Variants in OAS1 observed in about 807,000 individuals in gnomAD.
OAS1 encodes the protein 2'-5'-oligoadenylate synthase 1.
A neutral mutation model predicts 38.5 loss-of-function variants in OAS1; 24 were observed. The observed-to-expected ratio is 0.62, with a 90% CI of 0.45 to 0.88. The LOEUF is 0.88. Ranked by LOEUF, OAS1 falls within the 40% of genes least tolerant of loss-of-function variation. OAS1 has a pLI of 0.00. For synonymous variants in OAS1, 169 were observed against 193.9 expected, an observed-to-expected ratio of 0.87 and a Z score of 1.07; for missense variants, 482 against 493.9, an observed-to-expected ratio of 0.98 and a Z score of 0.23.
Position 112,908,647 on chromosome 12 carries a change from T to G in OAS1, c.292T>G (p.Phe98Val). The G allele has an allele frequency of 6.2e-7, 1 of 1,613,844 alleles. No homozygotes were observed. Among genetic ancestry groups the G allele is most frequent in the Non-Finnish European group, 8.5e-7 (1 of 1,179,952 alleles). Residue 98 changes from phenylalanine (F) to valine (V), a missense_variant, in exon 2 of 6, where the codon TTC (phenylalanine) becomes GTC (valine). Phe to Val is a conservative substitution (Grantham distance 50). Transcript: ENST00000202917. ...FQDQLNRRGEFIQEIRRQLEA... is the reference protein window; with the variant it reads ...FQDQLNRRGEVIQEIRRQLEA... ...GGATCAGTTAAATCGCCGGGGAGAG[T>G]TCATCCAGGAAATTAGGAGACAGCT...
intron 6 of OAS1, among the ~76,000 whole-genome samples, chr12:112,927,509 G>A (rs1280259006): frequency 6.6e-6 from 1 of 152,192 alleles, no homozygotes; most frequent in Non-Finnish European, 1.5e-5. Flanking sequence ...GGCCATAGGA[G>A]ACTTCTATTC....
downstream of OAS1, among the ~76,000 whole-genome samples, chr12:112,922,969 A>G (rs1274126419): frequency 6.6e-6 from 1 of 152,158 alleles, no homozygotes; most frequent in Non-Finnish European, 1.5e-5. Flanking sequence ...GCCTCAAACA[A>G]TCTTTCCTCC....
Position 112,919,862 on chromosome 12 carries a change from T to C in OAS1, c.*309T>C. 2.4e-6 allele frequency: 2 copies of C among 830,916 alleles called. No homozygotes were observed. The highest frequency in any genetic ancestry group is 3.6e-6 in the Non-Finnish European group (2 of 552,400). The allele number at this position is 830,916 out of a possible 1,614,324, so 51.5% of individuals were successfully genotyped here. On this transcript the variant is annotated 3_prime_UTR_variant, in exon 6 of 6. Coordinates refer to ENST00000202917, the MANE Select transcript of OAS1 (RefSeq NM_016816.4). ...CTGTGCACCTGATGGGAGGGTAATGTCTAATGTATTATCAATAACAATAAA... is the reference window on the plus strand; with the variant it reads ...CTGTGCACCTGATGGGAGGGTAATGCCTAATGTATTATCAATAACAATAAA...
At chr12:112,920,743 G>A (rs1235477795), downstream of OAS1, among the ~76,000 whole-genome samples, 1 of 152,180 alleles carries the variant, frequency 6.6e-6, no homozygotes, top group Non-Finnish European at 1.5e-5. Context: ...CTGATCACCT[G>A]AGTTGCTGGT....
rs978471259 is a variant in OAS1 at position 112,916,554 on chromosome 12, C to G, written c.700C>G (p.Leu234Val). 1.9e-6 allele frequency: 3 copies of G among 1,614,004 alleles called. No individual in the cohort carries two copies. The African/African-American group carries it at 4.0e-5, about 22-fold the overall frequency. The change falls in exon 4 of 6, where the codon CTC becomes GTC. Residue 234 changes from leucine to valine, a missense_variant. Transcript: ENST00000202917. ...GKLPPQYALE[L>V]LTVYAWERGS... is the part of the protein sequence containing the mutation. Reference sequence around the variant, plus strand: ...GCTGCCACCTCAGTATGCCCTGGAGCTCCTGACGGTCTATGCTTGGGAGCG... The same window carrying G: ...GCTGCCACCTCAGTATGCCCTGGAGGTCCTGACGGTCTATGCTTGGGAGCG...
At chr12:112,918,629 T>A (rs1565964736) in intron 5 of OAS1, 1 of 455,834 alleles carries the variant, frequency 2.2e-6, no homozygotes, top group Non-Finnish European at 4.4e-6. Context: ...TGAGGTCACT[T>A]GCTCAAGGAC....
chr12:112,930,004 T>C (rs1565969187), intron 6 of OAS1, among the ~76,000 whole-genome samples: 1 of 152,138 alleles, frequency 6.6e-6, no homozygotes, highest in Non-Finnish European at 1.5e-5. Flanking sequence ...GTGGGGCCTG[T>C]TGGGAGGTGA....
downstream of OAS1, among the ~76,000 whole-genome samples, chr12:112,923,233 T>C (rs2043540859): frequency 6.6e-6 from 1 of 152,256 alleles, no homozygotes; most frequent in Non-Finnish European, 1.5e-5. Flanking sequence ...TTCAATTCTT[T>C]TGGATACTCA....
intron 6 of OAS1, among the ~76,000 whole-genome samples, chr12:112,928,051 T>C (rs1212489986): frequency 6.6e-6 from 1 of 152,190 alleles, no homozygotes; most frequent in Non-Finnish European, 1.5e-5. Flanking sequence ...TCAGGATCAC[T>C]GCATAAAGTG....
chr12:112,910,495 G>C (rs1014365439), intron 2 of OAS1, among the ~76,000 whole-genome samples: 4 of 152,150 alleles, frequency 2.6e-5, no homozygotes, highest in Non-Finnish European at 2.9e-5. Context: ...GTGAGGGAGG[G>C]TCCCTGAGCC....
At chr12:112,917,746 C>T (rs2043483207) in intron 5 of OAS1, 46 bp downstream of exon 5, 2 of 1,614,058 alleles carry the variant, frequency 1.2e-6, no homozygotes, top group Non-Finnish European at 8.5e-7. Context: ...TGCCCCTCTC[C>T]ATGAAGCTTG....
rs774905171 is a variant in OAS1 at position 112,911,143 on chromosome 12, A to G, written c.562A>G (p.Thr188Ala). ...CCTGCAGAAAGAGGGCGAGTTCTCCACCTGCTTCACAGAACTACAGAGAGA... is the reference window on the plus strand; with the variant it reads ...CCTGCAGAAAGAGGGCGAGTTCTCCGCCTGCTTCACAGAACTACAGAGAGA... ...TDLQKEGEFS[T>A]CFTELQRDFL... The change falls in exon 3 of 6, where the codon ACC (threonine) becomes GCC (alanine). Residue 188 changes from threonine to alanine, a missense_variant. Thr to Ala is a moderately conservative substitution (Grantham distance 58). Transcript: ENST00000202917. 1.2e-6 allele frequency: 2 copies of G among 1,614,104 alleles called. No homozygotes were observed. Among genetic ancestry groups the G allele is most frequent in the South Asian group, 1.1e-5 (1 of 91,072 alleles).
At chr12:112,928,893 C>A (rs750849624) in intron 6 of OAS1, among the ~76,000 whole-genome samples, 1 of 152,180 alleles carries the variant, frequency 6.6e-6, no homozygotes, top group Non-Finnish European at 1.5e-5. Context: ...CTAGAAGTGG[C>A]GCTTTCTCTT....
intron 6 of OAS1, among the ~76,000 whole-genome samples, chr12:112,925,586 A>G (rs1268574236): frequency 6.6e-6 from 1 of 152,200 alleles, no homozygotes. Flanking sequence ...CAGGAGTTCA[A>G]GACCAGCCTG....
chr12:112,919,728 A>C lies in OAS1; in HGVS notation c.*175A>C. 1 of 1,493,772 alleles carries C rather than the reference A, an allele frequency of 6.7e-7. No individual in the cohort carries two copies. Among genetic ancestry groups the C allele is most frequent in the Non-Finnish European group, 8.9e-7 (1 of 1,117,538 alleles). 92.5% of individuals were successfully genotyped at this position (1,493,772 alleles called of 1,614,324 possible). A position where few individuals can be genotyped will look rare whatever the true frequency, so the allele number is the denominator to read the frequency against. ...TTCTATGCCCTCTATCCTATCATAG[A>C]TAACATTCTCCACAGCCTCACTTCA... On this transcript the variant is annotated 3_prime_UTR_variant, in exon 6 of 6. Coordinates refer to ENST00000202917, the MANE Select transcript of OAS1 (RefSeq NM_016816.4).
In OAS1 at chr12:112,919,432, G is replaced by C. The variant is rs1051042; in HGVS notation, c.1082G>C (p.Arg361Thr). The C allele has an allele frequency of 0.68, 1,088,954 of 1,609,908 alleles. 373,960 individuals are homozygous for C. The highest frequency in any genetic ancestry group is 0.93 in the African/African-American group (70,140 of 75,026). Residue 361 changes from arginine (R) to threonine (T), a missense_variant, in exon 6 of 6, where the codon AGG becomes ACG. Transcript: ENST00000202917. ...GACGATGAGACCGACGATCCCAGGA[G>C]GTATCAGAAATATGGTTACATTGGA... ...SADDETDDPR[R>T]YQKYGYIGTH...
Position 112,919,514 on chromosome 12 carries a change from C to A in OAS1, c.1164C>A (p.Thr388=), listed in dbSNP as rs779628553. 6.2e-7 allele frequency: 1 copy of A among 1,614,106 alleles called. No individual in the cohort carries two copies. The highest frequency in any genetic ancestry group is 1.3e-5 in the African/African-American group (1 of 74,934). The part of the protein sequence containing the change: ...HRPSTLQAAS[T]PQAEEDWTCT... ...CCAGCACACTCCAGGCAGCATCCAC[C>A]CCACAGGCAGAAGAGGACTGGACCT... The change falls in exon 6 of 6, where the codon ACC becomes ACA. Residue 388 remains threonine (T), a synonymous_variant. Transcript: ENST00000202917.
intron 3 of OAS1, among the ~76,000 whole-genome samples, chr12:112,914,733 T>TG (rs1206017863): frequency 2.4e-5 from 3 of 125,422 alleles, no homozygotes; most frequent in Non-Finnish European, 4.5e-5. Context: ...GGTATTTGTT[T>TG]TTTTTTTTTT....
downstream of OAS1, among the ~76,000 whole-genome samples, chr12:112,922,562 C>T (rs904393132): frequency 2.0e-5 from 3 of 152,156 alleles, no homozygotes; most frequent in African/African-American, 7.2e-5. Context: ...CCCTATTGCC[C>T]TTATCAATCC....
Sources: allele counts gnomAD v4.1 joint callset (sites outside exome capture counted in the v4.1 genomes callset), GRCh38; gene constraint gnomAD v4.1.1; transcripts MANE v1.5; gene names NCBI Gene and HGNC (gene_info 2026-07-23, HGNC 2026-07-21).